RASA3: variants seen among roughly 807,000 people sequenced by gnomAD.
The protein encoded by RASA3 is RAS p21 protein activator 3, also known as ras GTPase-activating protein 3.
In RASA3, 73 loss-of-function variants were observed where a neutral mutation model predicts 110.0. The observed-to-expected ratio is 0.66, with a 90% confidence interval of 0.55 to 0.81. RASA3 has a LOEUF of 0.81. RASA3 is among the 30% of genes least tolerant of loss of function. RASA3 has a pLI of 0.00. For synonymous variants in RASA3, 500 were observed against 451.4 expected (o/e 1.11, Z -1.37); for missense variants, 976 against 1,113.2 (o/e 0.88, Z 1.75).
chr13:114,055,823 T>C (rs913747), intron 2 of RASA3, among the ~76,000 whole-genome samples: 56,191 of 152,094 alleles, frequency 0.37, 10,614 homozygotes, highest in Middle Eastern at 0.51. Context: ...CTGTCCTGGC[T>C]GCGGTGCATC....
chr13:114,029,144 G>A (rs80291311), intron 5 of RASA3, among the ~76,000 whole-genome samples: 1 of 27,502 alleles, frequency 3.6e-5, no homozygotes. Context: ...CTAAAACGAC[G>A]TCATCCTGGG....
Position 114,056,741 on chromosome 13 carries a change from AG to A in RASA3, c.174-4587del, listed in dbSNP as rs2079252172. The A allele has an allele frequency of 1.1e-6, 1 of 887,836 alleles. No individual in the cohort carries two copies. Among genetic ancestry groups the A allele is most frequent in the East Asian group, 1.2e-4 (1 of 8,410 alleles). The allele number at this position is 887,836 out of a possible 1,614,324, so 55.0% of individuals were successfully genotyped here. A position where few individuals can be genotyped will look rare whatever the true frequency, so the allele number is the denominator to read the frequency against. On this transcript the variant is annotated intron_variant, in intron 2 of 23. Transcript: ENST00000334062. The surrounding 1 kb of genome is among the most constrained non-coding windows in gnomAD (Gnocchi z 5.7). Reference sequence around the variant, plus strand: ...AAAAAGAGATAAAAATAGCAGAAAGAGGAAGCTACAAGAAAACATACGAACT... The same window carrying A: ...AAAAAGAGATAAAAATAGCAGAAAGAGAAGCTACAAGAAAACATACGAACT...
chr13:114,015,594 G>A (rs918274922), intron 13 of RASA3, among the ~76,000 whole-genome samples: 5 of 152,256 alleles, frequency 3.3e-5, no homozygotes, highest in Admixed American at 2.6e-4. Context: ...GGGAATGGAC[G>A]TTCACTAGAA....
Position 114,122,568 on chromosome 13 carries a change from C to T in RASA3, c.55+9867G>A, listed in dbSNP as rs577438014. On this transcript the variant is annotated intron_variant, in intron 1 of 23. Coordinates refer to ENST00000334062, the MANE Select transcript of RASA3 (RefSeq NM_007368.4). ...CCTTCCTGCCCCCGAGCCGTGCCTT[C>T]CCCCGCTGGGTGGGCTTGCTCTGCA... Among the ~76,000 whole-genome samples, 251 of 152,364 alleles carry T rather than the reference C, an allele frequency of 1.6e-3. 2 individuals carry two copies. The highest frequency in any genetic ancestry group is 5.8e-3 in the African/African-American group (242 of 41,594).
rs560581741 is a variant in RASA3 at position 114,067,179 on chromosome 13, G to A, written c.173+6541C>T. Among the ~76,000 whole-genome samples the A allele has an allele frequency of 4.1e-5, 6 of 146,074 alleles. No homozygotes were observed. In the East Asian group the frequency reaches 1.2e-3, roughly 30 times the overall value. The stretch of plus-strand genomic sequence containing the variant: ...GAGCTGAGGATGGGCCCCCACCTGC[G>A]GTACTCTGGGGCTGAGGACGGGCCC... On this transcript the variant is annotated intron_variant, in intron 2 of 23. Coordinates refer to ENST00000334062, the MANE Select transcript of RASA3 (RefSeq NM_007368.4).
Position 114,065,979 on chromosome 13 carries a change from C to T in RASA3, c.173+7741G>A, listed in dbSNP as rs1372336815. Among the ~76,000 whole-genome samples, 2 of 152,138 alleles carry T rather than the reference C, an allele frequency of 1.3e-5. No individual in the cohort carries two copies. Among genetic ancestry groups the T allele is most frequent in the Admixed American group, 1.3e-4 (2 of 15,280 alleles). On this transcript the variant is annotated intron_variant, in intron 2 of 23. Transcript: ENST00000334062. The surrounding 1 kb of genome is among the most constrained non-coding windows in gnomAD (Gnocchi z 4.1). ...CAGCGGCCGTGGTGAGCCACCTCAC[C>T]TCCCCGAGCCTCAGTCTCCCCATCT...
chr13:114,043,618 C>T (rs549606595), intron 3 of RASA3, among the ~76,000 whole-genome samples: 1 of 152,234 alleles, frequency 6.6e-6, no homozygotes, highest in East Asian at 1.9e-4. Context: ...GCACGGGACG[C>T]TGAAACCACC....
chr13:114,103,389 C>A (rs2080084062), intron 1 of RASA3, among the ~76,000 whole-genome samples: 1 of 152,064 alleles, frequency 6.6e-6, no homozygotes, highest in Non-Finnish European at 1.5e-5. Context: ...CACCAAGAGC[C>A]CCAGACACAC....
chr13:114,073,856 A>G lies in RASA3; in HGVS notation c.56-19T>C, dbSNP rs2079621994. The stretch of plus-strand genomic sequence containing the variant: ...GCTTCACCTAAAAAGTAAAAGCGAC[A>G]TACATCATCAGCAGCGTAGAAATGT... On this transcript the variant is annotated intron_variant, in intron 1 of 23. Coordinates refer to ENST00000334062, the MANE Select transcript of RASA3 (RefSeq NM_007368.4). The G allele has an allele frequency of 1.9e-6, 3 of 1,573,534 alleles. No homozygotes were observed. The highest frequency in any genetic ancestry group is 2.2e-5 in the East Asian group (1 of 44,708).
intron 21 of RASA3, among the ~76,000 whole-genome samples, chr13:113,995,445 C>T (rs2053209918): frequency 6.6e-6 from 1 of 152,394 alleles, no homozygotes; most frequent in East Asian, 1.9e-4. Context: ...ACAGCTCATC[C>T]CCTGCAGGGC....
chr13:114,031,572 G>A lies in RASA3; in HGVS notation c.373-1685C>T, dbSNP rs146877662. Among the ~76,000 whole-genome samples the A allele has an allele frequency of 6.0e-3, 916 of 151,754 alleles. 2 individuals are homozygous for A. The highest frequency in any genetic ancestry group is 0.018 in the African/African-American group (737 of 41,356). Reference sequence around the variant, plus strand: ...TGTTTGTCCGCCTGTCTGTACATGCGACTGTGTGTGCATGTCTGCCTGTGT... The same window carrying A: ...TGTTTGTCCGCCTGTCTGTACATGCAACTGTGTGTGCATGTCTGCCTGTGT... On this transcript the variant is annotated intron_variant, in intron 4 of 23. Coordinates refer to ENST00000334062, the MANE Select transcript of RASA3 (RefSeq NM_007368.4).
intron 3 of RASA3, among the ~76,000 whole-genome samples, chr13:114,047,500 A>G (rs1487855763): frequency 6.6e-6 from 1 of 152,256 alleles, no homozygotes; most frequent in East Asian, 1.9e-4. Context: ...GGTAGTTTTA[A>G]TGAAAGTAAA....
intron 1 of RASA3, chr13:114,107,730 G>A (rs9314891): frequency 0.55 from 83,997 of 152,346 alleles, 23,506 homozygotes; most frequent in East Asian, 0.76. Context: ...AGGCTGCCAG[G>A]ATCAGAGGAA....
intron 5 of RASA3, among the ~76,000 whole-genome samples, chr13:114,029,460 C>T (rs80103195): frequency 5.6e-5 from 1 of 17,792 alleles, no homozygotes. Context: ...TCTAAAACGG[C>T]GTCATCCTGG....
rs751789471 is a variant in RASA3, at chr13:113,996,742, G to A, written c.1933-3C>T. On this transcript the variant is annotated splice_region_variant and splice_polypyrimidine_tract_variant and intron_variant, in intron 20 of 23. Transcript: ENST00000334062. ...TCTGGCTGGATGACCTGGAACATCT[G>A]AGGACACAGGTGGGCTCAGGACAGC... 5 of 1,613,266 alleles carry A rather than the reference G, an allele frequency of 3.1e-6. No homozygotes were observed. In the Admixed American group the frequency reaches 8.3e-5, roughly 27 times the overall value.
At chr13:114,071,517 G>T (rs78064395) in intron 2 of RASA3, among the ~76,000 whole-genome samples, 1 of 152,152 alleles carries the variant, frequency 6.6e-6, no homozygotes, top group Non-Finnish European at 1.5e-5. Flanking sequence ...TTTATCCAGG[G>T]AAGCTCCAAA....
intron 2 of RASA3, among the ~76,000 whole-genome samples, chr13:114,058,305 C>T (rs2079279902): frequency 2.0e-5 from 3 of 152,170 alleles, no homozygotes; most frequent in African/African-American, 2.4e-5. Context: ...CCACCATCCA[C>T]GCGTCCAGCA....
At chr13:114,077,109 C>G (rs922271887) in intron 1 of RASA3, among the ~76,000 whole-genome samples, 3 of 152,164 alleles carry the variant, frequency 2.0e-5, no homozygotes, top group Non-Finnish European at 4.4e-5. Context: ...GTGGATAATA[C>G]GGAACTGAGA....
chr13:114,023,855 C>A (rs149474447), intron 8 of RASA3, among the ~76,000 whole-genome samples: 1 of 152,264 alleles, frequency 6.6e-6, no homozygotes, highest in Non-Finnish European at 1.5e-5. Flanking sequence ...AGGGTCTCCA[C>A]AGAGGCCACC....
Sources: gnomAD v4.1 joint callset for allele counts (sites outside exome capture counted in the v4.1 genomes callset) on GRCh38, gnomAD v4.1.1 for gene constraint, Gnocchi (gnomAD v3.1) non-coding constraint, MANE v1.5 for transcripts, NCBI Gene and HGNC (gene_info 2026-07-23, HGNC 2026-07-21) for gene names.